The following FBXO32 variants were observed in gnomAD, a reference collection of about 807,000 sequenced individuals.
FBXO32 encodes F-box only protein 32.
A neutral mutation model predicts 48.3 loss-of-function variants in FBXO32; 15 were observed. The observed-to-expected ratio is 0.31, with a 90% CI of 0.21 to 0.48. FBXO32 has a LOEUF of 0.48. Among genes scored for constraint, FBXO32 ranks in the 20% least tolerant of loss-of-function variants. FBXO32 has a pLI of 0.99. For missense variants in FBXO32, 309 were observed against 432.7 expected (o/e 0.71, Z 2.54); for synonymous variants, 154 against 165.9 (o/e 0.93, Z 0.55).
At chr8:123,509,366 TTCTCTC>T (rs994987368) in intron 6 of FBXO32, among the ~76,000 whole-genome samples, 1 of 152,064 alleles carries the variant, frequency 6.6e-6, no homozygotes, top group African/African-American at 2.4e-5. Context: ...TCTTTTTTCT[TTCTCTC>T]TCTCTCAATT....
chr8:123,533,166 CT>C, intron 3 of FBXO32, 24 bp downstream of exon 3: 1 of 1,588,982 alleles, frequency 6.3e-7, no homozygotes, highest in Non-Finnish European at 8.6e-7. Flanking sequence ...TTCAGTATAA[CT>C]TAGTAAATGA....
At chr8:123,515,394 C>T (rs1325317058) in intron 4 of FBXO32, among the ~76,000 whole-genome samples, 2 of 151,758 alleles carry the variant, frequency 1.3e-5, no homozygotes, top group Non-Finnish European at 2.9e-5. Flanking sequence ...TGCCACTACG[C>T]CTGGCTAACA....
At chr8:123,533,281 C>T (rs369257782) in intron 2 of FBXO32, 41 bp from the exon 3 acceptor site, 25 of 1,457,372 alleles carry the variant, frequency 1.7e-5, no homozygotes, top group Non-Finnish European at 2.3e-5. Flanking sequence ...ACATCTGCAA[C>T]ATGCTCAAGA....
At chr8:123,523,755 C>T (rs535572308) in intron 4 of FBXO32, among the ~76,000 whole-genome samples, 1 of 152,154 alleles carries the variant, frequency 6.6e-6, no homozygotes, top group Non-Finnish European at 1.5e-5. Context: ...TGAAGTGGTA[C>T]TGGAAAGAAA....
At chr8:123,531,763 G>A (rs147289028) in intron 4 of FBXO32, 135 bp downstream of exon 4, 1 of 967,878 alleles carries the variant, frequency 1.0e-6, no homozygotes, top group African/African-American at 1.6e-5. Context: ...AGATTGAGGG[G>A]TCTGTTTTCT....
At chr8:123,536,890 T>G (rs1179131718) in intron 1 of FBXO32, among the ~76,000 whole-genome samples, 1 of 152,216 alleles carries the variant, frequency 6.6e-6, no homozygotes, top group Non-Finnish European at 1.5e-5. Flanking sequence ...TACAATAACC[T>G]GCTTTAAGCC....
chr8:123,515,204 C>A (rs982728066), intron 4 of FBXO32, among the ~76,000 whole-genome samples: 1 of 152,118 alleles, frequency 6.6e-6, no homozygotes, highest in Non-Finnish European at 1.5e-5. Flanking sequence ...TCAGCAAGTA[C>A]CTGGCACTAA....
intron 1 of FBXO32, 81 bp from the exon 2 acceptor site, chr8:123,534,895 G>A: frequency 1.3e-6 from 1 of 787,030 alleles, no homozygotes; most frequent in African/African-American, 1.8e-5. Context: ...AACTCACTGA[G>A]TTATAAGACA....
At chr8:123,516,012 C>T (rs1363585701) in intron 4 of FBXO32, among the ~76,000 whole-genome samples, 1 of 152,092 alleles carries the variant, frequency 6.6e-6, no homozygotes, top group Admixed American at 6.5e-5. Flanking sequence ...AAATAAAAAA[C>T]AAAGATCCTA....
At position 123,502,531 on chromosome 8, in the gene FBXO32, C is replaced by G. The variant is rs1816517750; in HGVS notation, c.*842G>C. The G allele has an allele frequency of 6.6e-6, 1 of 152,186 alleles. No homozygotes were observed. The highest frequency in any genetic ancestry group is 2.1e-4 in the South Asian group (1 of 4,830). 9.4% of individuals were successfully genotyped at this position (152,186 alleles called of 1,614,324 possible). A position where few individuals can be genotyped will look rare whatever the true frequency, so the allele number is the denominator to read the frequency against. On this transcript the variant is annotated 3_prime_UTR_variant, in exon 9 of 9. Coordinates refer to ENST00000517956, the MANE Select transcript of FBXO32 (RefSeq NM_058229.4). Reference sequence around the variant, plus strand: ...CCTCAGACTCCTGGGCTCAAGCAATCCTCCCCTGGGACTGTTTTAAGTTGG... The same window carrying G: ...CCTCAGACTCCTGGGCTCAAGCAATGCTCCCCTGGGACTGTTTTAAGTTGG...
intron 7 of FBXO32, among the ~76,000 whole-genome samples, chr8:123,505,493 T>C (rs150002558): frequency 0.014 from 2,192 of 152,332 alleles, 55 homozygotes; most frequent in African/African-American, 0.05. Context: ...CCCAGAACTT[T>C]GGGAGGCCGA....
In FBXO32 at chr8:123,498,466, C is replaced by T. The variant is rs1215393750; in HGVS notation, c.*4907G>A. The T allele has an allele frequency of 6.6e-6, 1 of 152,210 alleles. No homozygotes were observed. Among genetic ancestry groups the T allele is most frequent in the Non-Finnish European group, 1.5e-5 (1 of 68,040 alleles). 9.4% of individuals were successfully genotyped at this position (152,210 alleles called of 1,614,324 possible). On this transcript the variant is annotated 3_prime_UTR_variant, in exon 9 of 9. Transcript: ENST00000517956. ...TGTTTGCTGAGTGAATTCAAGGACA[C>T]TTTGAAAAATGCCCAGCAGACAAAG...
Position 123,504,684 on chromosome 8 carries a change from G to T in FBXO32, c.898C>A (p.Leu300Ile), listed in dbSNP as rs369362393. 5.6e-6 allele frequency: 9 copies of T among 1,614,066 alleles called. No homozygotes were observed. The highest frequency in any genetic ancestry group is 7.6e-6 in the Non-Finnish European group (9 of 1,179,988). The change falls in exon 8 of 9, where the codon CTT (leucine) becomes ATT (isoleucine). Residue 300 changes from leucine (L) to isoleucine (I), a missense_variant. Transcript: ENST00000517956. ...TCTTTCCTTGGGTAACATCGGACAA[G>T]TTTGAAATACATCTTCTTCCAATCC... ...QLDWKKMYFKLVRCYPRKEQY... is the reference protein window; with the variant it reads ...QLDWKKMYFKIVRCYPRKEQY...
Position 123,502,302 on chromosome 8 carries a change from C to G in FBXO32, c.*1071G>C, listed in dbSNP as rs1180356786. The stretch of plus-strand genomic sequence containing the variant: ...CGAGCCTCAGCACTTGGGCCCCACT[C>G]TGTCCACAGACACAGGCTTATCCAT... On this transcript the variant is annotated 3_prime_UTR_variant, in exon 9 of 9. Coordinates refer to ENST00000517956, the MANE Select transcript of FBXO32 (RefSeq NM_058229.4). 6.6e-6 allele frequency: 1 copy of G among 152,314 alleles called. No homozygotes were observed. The highest frequency in any genetic ancestry group is 2.4e-5 in the African/African-American group (1 of 41,470). 9.4% of individuals were successfully genotyped at this position (152,314 alleles called of 1,614,324 possible).
intron 4 of FBXO32, among the ~76,000 whole-genome samples, chr8:123,517,544 A>G (rs1283909855): frequency 1.3e-5 from 2 of 151,152 alleles, no homozygotes; most frequent in Non-Finnish European, 2.9e-5. Context: ...AGAGGAGAAG[A>G]CCTGGATTCT....
intron 6 of FBXO32, among the ~76,000 whole-genome samples, chr8:123,507,173 T>C (rs191626541): frequency 1.2e-3 from 180 of 152,334 alleles, no homozygotes; most frequent in African/African-American, 3.8e-3. Flanking sequence ...CTAGAATTCT[T>C]AGGATCTCTT....
chr8:123,538,508 C>T (rs551628713), intron 1 of FBXO32, among the ~76,000 whole-genome samples: 22 of 152,230 alleles, frequency 1.4e-4, no homozygotes, highest in Admixed American at 1.3e-3. Context: ...CCTGACATCA[C>T]GGGGAAACAT....
chr8:123,503,517 T>C (rs1816543036), intron 8 of FBXO32, 55 bp from the exon 9 acceptor site: 10 of 1,451,550 alleles, frequency 6.9e-6, no homozygotes, highest in Non-Finnish European at 9.6e-6. Context: ...CTTTGGCTTT[T>C]AGCACCATAA....
At chr8:123,526,174 G>C (rs1049386258) in intron 4 of FBXO32, among the ~76,000 whole-genome samples, 1 of 151,376 alleles carries the variant, frequency 6.6e-6, no homozygotes, top group Non-Finnish European at 1.5e-5. Context: ...AGTGAGGCCT[G>C]ACCAAGATCA....
Sources: gnomAD v4.1 joint callset for allele counts (sites outside exome capture counted in the v4.1 genomes callset) on GRCh38, gnomAD v4.1.1 for gene constraint, MANE v1.5 for transcripts, NCBI Gene and HGNC (gene_info 2026-07-23, HGNC 2026-07-21) for gene names.